FHIP1A: variants seen among roughly 807,000 people sequenced by gnomAD.
The protein encoded by FHIP1A is FHF complex subunit HOOK interacting protein 1A.
In FHIP1A, 61 loss-of-function variants were observed where a neutral mutation model predicts 88.6. The ratio of observed to expected loss-of-function variants is 0.69; its 90% CI spans 0.56 to 0.85. The LOEUF (loss-of-function observed/expected upper bound fraction) is 0.85. FHIP1A is among the 40% of genes least tolerant of loss of function. The probability of loss-of-function intolerance (pLI) is 0.00; values close to 1 mark genes in which losing one functional copy is unlikely to be tolerated. For synonymous variants in FHIP1A, 478 were observed against 496.0 expected (o/e 0.96, Z 0.48); for missense variants, 1,154 against 1,273.5 (o/e 0.91, Z 1.43).
At chr4:151,634,705 A>G (rs1279522934) in intron 8 of FHIP1A, among the ~76,000 whole-genome samples, 2 of 151,932 alleles carry the variant, frequency 1.3e-5, no homozygotes, top group South Asian at 4.1e-4. Flanking sequence ...TCCACATGCA[A>G]AAGAATGAAG....
chr4:151,481,631 C>T (rs1348576086), intron 2 of FHIP1A, among the ~76,000 whole-genome samples: 1 of 151,996 alleles, frequency 6.6e-6, no homozygotes, highest in East Asian at 1.9e-4. Flanking sequence ...AATGGCTACT[C>T]CATAGGCAGA....
chr4:151,536,061 C>T (rs1331560445), intron 3 of FHIP1A, among the ~76,000 whole-genome samples: 1 of 152,018 alleles, frequency 6.6e-6, no homozygotes, highest in East Asian at 1.9e-4. Flanking sequence ...TTTTATATTC[C>T]CGGTGAAAGA....
chr4:151,634,858 T>C (rs1736290346), intron 8 of FHIP1A, among the ~76,000 whole-genome samples: 1 of 151,816 alleles, frequency 6.6e-6, no homozygotes, highest in African/African-American at 2.4e-5. Flanking sequence ...ATTTCTTGGA[T>C]ATGACACCAG....
chr4:151,567,066 T>TA (rs1733414844), intron 4 of FHIP1A, among the ~76,000 whole-genome samples: 1 of 152,206 alleles, frequency 6.6e-6, no homozygotes, highest in Non-Finnish European at 1.5e-5. Context: ...AAAGTGATTA[T>TA]AAAATTTTTT....
intron 7 of FHIP1A, among the ~76,000 whole-genome samples, chr4:151,625,344 C>T (rs1735913125): frequency 6.6e-6 from 1 of 151,458 alleles, no homozygotes. Flanking sequence ...GCCTGCCTGA[C>T]CCCACTGCCT....
chr4:151,447,863 A>C (rs1728661120), intron 1 of FHIP1A, among the ~76,000 whole-genome samples: 1 of 152,156 alleles, frequency 6.6e-6, no homozygotes, highest in Non-Finnish European at 1.5e-5. Context: ...CCTCAGGAGA[A>C]ACCAACCTTG....
At chr4:151,597,282 C>T (rs1734686557) in intron 7 of FHIP1A, among the ~76,000 whole-genome samples, 1 of 152,124 alleles carries the variant, frequency 6.6e-6, no homozygotes, top group Non-Finnish European at 1.5e-5. Context: ...AACAGTCAGG[C>T]CCCTCTGCTG....
At chr4:151,416,611 C>T (rs1271356414) in intron 1 of FHIP1A, among the ~76,000 whole-genome samples, 1 of 151,922 alleles carries the variant, frequency 6.6e-6, no homozygotes, top group Non-Finnish European at 1.5e-5. Flanking sequence ...TTTGTACATC[C>T]TCAAAATAAG....
chr4:151,418,635 C>G (rs1445521024), intron 1 of FHIP1A, among the ~76,000 whole-genome samples: 3 of 152,190 alleles, frequency 2.0e-5, no homozygotes, highest in African/African-American at 7.2e-5. Flanking sequence ...AAACTCTTGA[C>G]TTGGTTGTCT....
chr4:151,458,304 C>T (rs1729034809), intron 2 of FHIP1A, among the ~76,000 whole-genome samples: 1 of 152,076 alleles, frequency 6.6e-6, no homozygotes, highest in Non-Finnish European at 1.5e-5. Flanking sequence ...TGGCACCAAC[C>T]AGTTTTGTGG....
intron 3 of FHIP1A, among the ~76,000 whole-genome samples, chr4:151,559,363 A>G (rs1733081357): frequency 6.6e-6 from 1 of 152,216 alleles, no homozygotes; most frequent in Non-Finnish European, 1.5e-5. Flanking sequence ...AAAGTTCAAA[A>G]AGTCAAAGAA....
At chr4:151,661,408 G>GTTTTTTT (rs5862966) in intron 13 of FHIP1A, among the ~76,000 whole-genome samples, 1 of 128,600 alleles carries the variant, frequency 7.8e-6, no homozygotes, top group Non-Finnish European at 1.7e-5. Context: ...AGTGGAAGTT[G>GTTTTTTT]TTTTTTTTTT....
At chr4:151,476,788 T>G (rs1315725134) in intron 2 of FHIP1A, among the ~76,000 whole-genome samples, 1 of 152,080 alleles carries the variant, frequency 6.6e-6, no homozygotes, top group Non-Finnish European at 1.5e-5. Context: ...TATGATAATC[T>G]ATAAATGTGC....
chr4:151,474,694 C>T (rs1317892460), intron 2 of FHIP1A, among the ~76,000 whole-genome samples: 1 of 152,198 alleles, frequency 6.6e-6, no homozygotes, highest in African/African-American at 2.4e-5. Flanking sequence ...CTGCCCATGC[C>T]AGTAATAAAC....
chr4:151,644,024 A>C (rs1736694198), intron 9 of FHIP1A, among the ~76,000 whole-genome samples: 1 of 152,246 alleles, frequency 6.6e-6, no homozygotes, highest in African/African-American at 2.4e-5. Context: ...AAATCTATGA[A>C]TATCAACTTA....
chr4:151,530,412 G>T (rs1432042584), intron 3 of FHIP1A, among the ~76,000 whole-genome samples: 1 of 152,068 alleles, frequency 6.6e-6, no homozygotes, highest in African/African-American at 2.4e-5. Context: ...TACCCATGTG[G>T]CTCCACTGCC....
intron 3 of FHIP1A, among the ~76,000 whole-genome samples, chr4:151,549,201 T>G (rs967074397): frequency 9.2e-5 from 14 of 152,056 alleles, no homozygotes; most frequent in African/African-American, 3.1e-4. Flanking sequence ...ACAGAGCAGG[T>G]AATCAGGGGA....
chr4:151,447,095 A>C (rs938033562), intron 1 of FHIP1A, among the ~76,000 whole-genome samples: 1 of 152,152 alleles, frequency 6.6e-6, no homozygotes, highest in African/African-American at 2.4e-5. Flanking sequence ...TGATATTTCT[A>C]TGGGTAAAAA....
intron 1 of FHIP1A, among the ~76,000 whole-genome samples, chr4:151,412,969 C>G (rs1020668781): frequency 2.6e-5 from 4 of 152,044 alleles, no homozygotes; most frequent in Non-Finnish European, 4.4e-5. Flanking sequence ...TAGACGTGAG[C>G]CACCGTGCCT....
Sources: allele counts gnomAD v4.1 joint callset (sites outside exome capture counted in the v4.1 genomes callset), GRCh38; gene constraint gnomAD v4.1.1; transcripts MANE v1.5; gene names NCBI Gene and HGNC (gene_info 2026-07-23, HGNC 2026-07-21).